PRIM1: variants seen among roughly 807,000 people sequenced by gnomAD.
PRIM1 encodes DNA primase subunit 1, also known as DNA primase small subunit.
In PRIM1, 38 loss-of-function variants were observed where a neutral mutation model predicts 60.2. That is an observed-to-expected ratio of 0.63 (90% CI 0.49 to 0.83). The LOEUF (loss-of-function observed/expected upper bound fraction) is 0.83. Among genes scored for constraint, PRIM1 ranks in the 40% least tolerant of loss-of-function variants. The pLI is 0.00. For missense variants in PRIM1, 388 were observed against 506.2 expected, an observed-to-expected ratio of 0.77 and a Z score of 2.24; for synonymous variants, 158 against 160.2, an observed-to-expected ratio of 0.99 and a Z score of 0.10.
At chr12:56,739,272 T>C in intron 10 of PRIM1, 22 bp downstream of exon 10, 1 of 1,486,842 alleles carries the variant, frequency 6.7e-7, no homozygotes, top group Non-Finnish European at 9.1e-7. Flanking sequence ...AAACAAGGAG[T>C]GATCAATGAT....
At chr12:56,733,505 C>T (rs907484252) in intron 12 of PRIM1, among the ~76,000 whole-genome samples, 4 of 147,584 alleles carry the variant, frequency 2.7e-5, no homozygotes, top group African/African-American at 1.1e-4. Context: ...AGTTCAGATA[C>T]CACCATTTTC....
At chr12:56,740,119 G>A (rs1253784356) in intron 9 of PRIM1, among the ~76,000 whole-genome samples, 2 of 151,830 alleles carry the variant, frequency 1.3e-5, no homozygotes, top group Non-Finnish European at 2.9e-5. Context: ...CTGGGTGACA[G>A]AGTGGGACTC....
intron 9 of PRIM1, among the ~76,000 whole-genome samples, chr12:56,740,039 A>T (rs1276428814): frequency 6.6e-6 from 1 of 151,960 alleles, no homozygotes; most frequent in African/African-American, 2.4e-5. Context: ...TGGGAGGGTG[A>T]GGCAGAGAAT....
intron 4 of PRIM1, chr12:56,746,421 A>C (rs1361599272): frequency 1.1e-5 from 7 of 637,596 alleles, no homozygotes; most frequent in Non-Finnish European, 2.0e-5. Context: ...TCACGAGGTC[A>C]GGAGTTCGAG....
At chr12:56,747,565 G>A (rs1227316829) in intron 2 of PRIM1, among the ~76,000 whole-genome samples, 1 of 152,146 alleles carries the variant, frequency 6.6e-6, no homozygotes, top group Non-Finnish European at 1.5e-5. Context: ...GGCCAATATG[G>A]TGAAACTGTC....
intron 4 of PRIM1, 116 bp from the exon 5 acceptor site, chr12:56,746,297 C>T: frequency 2.5e-6 from 3 of 1,214,996 alleles, no homozygotes; most frequent in Non-Finnish European, 3.5e-6. Flanking sequence ...TCTCTTTACC[C>T]ATCCTGGTCT....
At chr12:56,736,996 G>C (rs1953837892) in intron 11 of PRIM1, among the ~76,000 whole-genome samples, 1 of 151,618 alleles carries the variant, frequency 6.6e-6, no homozygotes, top group African/African-American at 2.4e-5. Context: ...GTGTTGCCCA[G>C]GGTGGTCTCA....
intron 9 of PRIM1, among the ~76,000 whole-genome samples, chr12:56,740,145 G>A (rs922173040): frequency 6.0e-5 from 9 of 151,152 alleles, no homozygotes; most frequent in African/African-American, 1.9e-4. Flanking sequence ...CGAAAAAAAA[G>A]GAAAGAAAAA....
Position 56,746,152 on chromosome 12 carries a change from C to T in PRIM1, c.472G>A (p.Val158Ile), listed in dbSNP as rs1953905244. ...EDFGFKHRLWVYSGRRGVHCW... is the reference protein window; with the variant it reads ...EDFGFKHRLWIYSGRRGVHCW... ...TGAACACCTCTCCTTCCAGAATATA[C>T]CCAGAGACGATGCTTAAATCCAAAG... The change falls in exon 5 of 13, where the codon GTA becomes ATA. Residue 158 changes from valine (V) to isoleucine (I), a missense_variant. Val to Ile is a conservative substitution (Grantham distance 29). This residue lies in a region of PRIM1 where 21 missense variants were observed against 52.5 expected (regional missense o/e 0.40). Coordinates refer to ENST00000338193, the MANE Select transcript of PRIM1 (RefSeq NM_000946.3). The T allele has an allele frequency of 1.2e-6, 2 of 1,612,246 alleles. No individual in the cohort carries two copies. The highest frequency in any genetic ancestry group is 1.3e-5 in the African/African-American group (1 of 74,772).
chr12:56,749,679 T>C (rs987356373), intron 2 of PRIM1, among the ~76,000 whole-genome samples: 1 of 152,224 alleles, frequency 6.6e-6, no homozygotes, highest in Admixed American at 6.5e-5. Context: ...GCCAGCTCTA[T>C]CATTTAGAAA....
Position 56,731,646 on chromosome 12 carries a change from T to C in PRIM1, c.*69A>G. On this transcript the variant is annotated 3_prime_UTR_variant, in exon 13 of 13. Transcript: ENST00000338193. ...ATATAGTTCTGCCATATTTATTAAA[T>C]GGCTCTTGAAGTATTTGATCTGTGG... 6.0e-6 allele frequency: 8 copies of C among 1,343,852 alleles called. No individual in the cohort carries two copies. Among genetic ancestry groups the C allele is most frequent in the Non-Finnish European group, 8.2e-6 (8 of 976,188 alleles). 83.2% of individuals were successfully genotyped at this position (1,343,852 alleles called of 1,614,324 possible).
intron 10 of PRIM1, among the ~76,000 whole-genome samples, chr12:56,738,777 C>T (rs137886398): frequency 0.029 from 4,416 of 152,280 alleles, 92 homozygotes; most frequent in Middle Eastern, 0.054. Context: ...GTCTCGATCT[C>T]TTGACCTTGT....
intron 11 of PRIM1, among the ~76,000 whole-genome samples, chr12:56,734,613 T>G (rs1197397572): frequency 1.3e-5 from 2 of 151,100 alleles, no homozygotes; most frequent in African/African-American, 4.9e-5. Context: ...CTCACTCTGT[T>G]GCTCAGGCTA....
In PRIM1 at chr12:56,743,041, C is replaced by G. The variant is rs953938294; in HGVS notation, c.694G>C (p.Asp232His). The stretch of plus-strand genomic sequence containing the variant: ...CAGCTTTCTTTATTTTCGAGAATAT[C>G]TTGATTAACCAAGGCATATTCTTCA... Reference protein sequence around the residue: ...YFEEYALVNQDILENKESWDK... With the variant: ...YFEEYALVNQHILENKESWDK... The change falls in exon 7 of 13, where the codon GAT becomes CAT. Residue 232 changes from aspartate to histidine, a missense_variant. This residue lies in a region of PRIM1 where 211 missense variants were observed against 277.9 expected (regional missense o/e 0.76). Transcript: ENST00000338193. 9.1e-6 allele frequency: 14 copies of G among 1,539,846 alleles called. No homozygotes were observed. The highest frequency in any genetic ancestry group is 1.4e-5 in the African/African-American group (1 of 72,278).
rs943169150 is a variant in PRIM1 at position 56,738,584 on chromosome 12, G to C, written c.1053-59C>G. The C allele has an allele frequency of 1.5e-5, 22 of 1,515,998 alleles. No individual in the cohort carries two copies. The African/African-American group carries it at 2.8e-4, about 19-fold the overall frequency. 93.9% of individuals were successfully genotyped at this position (1,515,998 alleles called of 1,614,324 possible). ...GTTTTTGTTTTTGAGACGGAGTCTT[G>C]CTCTGTTGCCAGGCCGGAGTGTGGT... On this transcript the variant is annotated intron_variant, in intron 10 of 12. Transcript: ENST00000338193.
At chr12:56,751,271 GA>G (rs1389273406) in intron 1 of PRIM1, 76 bp from the exon 2 acceptor site, 19 of 1,149,184 alleles carry the variant, frequency 1.7e-5, no homozygotes, top group Non-Finnish European at 2.2e-5. Context: ...TAGCCAATGA[GA>G]AGTTTTTTTT....
rs1265413833 is a variant in PRIM1, at chr12:56,734,217, A to G, written c.1173T>C (p.Tyr391=). 1 of 1,604,860 alleles carries G rather than the reference A, an allele frequency of 6.2e-7. No homozygotes were observed. The highest frequency in any genetic ancestry group is 8.5e-7 in the Non-Finnish European group (1 of 1,172,878). ...RDYKKTSLAP[Y]VKVFEHFLEN... is the part of the protein sequence containing the mutation. ...CAAGAAAATGTTCAAAAACTTTCAC[A>G]TAAGGTGCTAGACTGGTCTTCTTAT... Residue 391 remains tyrosine, a synonymous_variant, in exon 12 of 13, where the codon TAT becomes TAC. Coordinates refer to ENST00000338193, the MANE Select transcript of PRIM1 (RefSeq NM_000946.3).
At chr12:56,750,720 G>T (rs2137870473) in intron 2 of PRIM1, among the ~76,000 whole-genome samples, 1 of 151,918 alleles carries the variant, frequency 6.6e-6, no homozygotes, top group Admixed American at 6.6e-5. Context: ...CTCCTCAGTA[G>T]CTGGGATTAC....
In PRIM1 at chr12:56,752,177, C is replaced by T; in HGVS notation, c.103+19G>A. ...CCTCCTCACACTCCGCTCCCGAACC[C>T]ATTCCTCGCCTCCATCACCTCCACC... is the stretch of plus-strand genomic sequence containing the variant. On this transcript the variant is annotated intron_variant, in intron 1 of 12. Coordinates refer to ENST00000338193, the MANE Select transcript of PRIM1 (RefSeq NM_000946.3). 5.8e-6 allele frequency: 9 copies of T among 1,545,330 alleles called. No individual in the cohort carries two copies. The highest frequency in any genetic ancestry group is 8.0e-6 in the Non-Finnish European group (9 of 1,131,674).
Sources: allele counts gnomAD v4.1 joint callset (sites outside exome capture counted in the v4.1 genomes callset), GRCh38; gene constraint gnomAD v4.1.1; regional missense constraint gnomAD v4.1.1; transcripts MANE v1.5; gene names NCBI Gene and HGNC (gene_info 2026-07-23, HGNC 2026-07-21).